Variants in CRTC2 observed in about 807,000 individuals in gnomAD.
CRTC2 encodes CREB-regulated transcription coactivator 2.
In CRTC2, 25 loss-of-function variants were observed where a neutral mutation model predicts 70.9. The ratio of observed to expected loss-of-function variants is 0.35; its 90% CI spans 0.26 to 0.49. The LOEUF (loss-of-function observed/expected upper bound fraction) is 0.49. Ranked by LOEUF, CRTC2 falls within the 20% of genes least tolerant of loss-of-function variation. The probability of loss-of-function intolerance (pLI) is 0.98; values close to 1 mark genes in which losing one functional copy is unlikely to be tolerated. For missense variants in CRTC2, 737 were observed against 882.6 expected (o/e 0.83, Z 2.09); for synonymous variants, 330 against 364.1 (o/e 0.91, Z 1.07).
Position 153,949,200 on chromosome 1 carries a change from T to C in CRTC2, c.1589A>G (p.His530Arg). The C allele has an allele frequency of 6.2e-7, 1 of 1,613,690 alleles. No homozygotes were observed. Among genetic ancestry groups the C allele is most frequent in the African/African-American group, 1.3e-5 (1 of 75,018 alleles). The change falls in exon 12 of 14, where the codon CAT (histidine) becomes CGT (arginine). Residue 530 changes from histidine (H) to arginine (R), a missense_variant. By Grantham distance (29) the His-to-Arg change is conservative. Transcript: ENST00000368633. The part of the protein sequence containing the change: ...SGGQPPGRQS[H>R]YGTPYPPGPS... ...CCCAGGTGGGTACGGTGTCCCATAA[T>C]GAGACTGCCTGCCTGGGGGCTGCCC... is the stretch of plus-strand genomic sequence containing the variant.
At position 153,948,034 on chromosome 1, in the gene CRTC2, A is replaced by T; in HGVS notation, c.*75T>A. ...TCTGGGGACAGAGAGTAGAGTCTCTACCTGCCAGGGGGAAGGGAGGAAAGG... is the reference window on the plus strand; with the variant it reads ...TCTGGGGACAGAGAGTAGAGTCTCTTCCTGCCAGGGGGAAGGGAGGAAAGG... On this transcript the variant is annotated 3_prime_UTR_variant, in exon 14 of 14. Coordinates refer to ENST00000368633, the MANE Select transcript of CRTC2 (RefSeq NM_181715.3). The T allele has an allele frequency of 7.2e-7, 1 of 1,385,402 alleles. No homozygotes were observed. Among genetic ancestry groups the T allele is most frequent in the Non-Finnish European group, 1.0e-6 (1 of 983,290 alleles). The allele number at this position is 1,385,402 out of a possible 1,614,324, so 85.8% of individuals were successfully genotyped here.
chr1:153,952,071 G>A lies in CRTC2; in HGVS notation c.944C>T (p.Thr315Ile), dbSNP rs369302090. Residue 315 changes from threonine (T) to isoleucine (I), a missense_variant, in exon 10 of 14, where the codon ACT becomes ATT. Physicochemically the swap from Thr to Ile is moderately conservative, Grantham distance 89. Transcript: ENST00000368633. ...CATGCCCCTGCTGATGCCCAGGTGAGTCATGGTGTGGGTCAAATTGGAGGT... is the reference window on the plus strand; with the variant it reads ...CATGCCCCTGCTGATGCCCAGGTGAATCATGGTGTGGGTCAAATTGGAGGT... ...NSTSNLTHTM[T>I]HLGISRGMGL... The A allele has an allele frequency of 5.0e-6, 8 of 1,614,020 alleles. No individual in the cohort carries two copies. Among genetic ancestry groups the A allele is most frequent in the Non-Finnish European group, 6.8e-6 (8 of 1,180,024 alleles).
At chr1:153,950,834 T>C (rs1028470985) in intron 11 of CRTC2, among the ~76,000 whole-genome samples, 2 of 152,034 alleles carry the variant, frequency 1.3e-5, no homozygotes, top group Non-Finnish European at 2.9e-5. Flanking sequence ...AAAAGACAGA[T>C]ATAAAACAGA....
intron 1 of CRTC2, among the ~76,000 whole-genome samples, chr1:153,955,786 C>A (rs1417261764): frequency 6.6e-6 from 1 of 151,430 alleles, no homozygotes; most frequent in African/African-American, 2.4e-5. Flanking sequence ...AATAACCCAC[C>A]AGAGCCCATC....
intron 3 of CRTC2, 145 bp downstream of exon 3, chr1:153,954,728 C>A: frequency 1.4e-6 from 1 of 706,902 alleles, no homozygotes. Flanking sequence ...GACGCAGGGG[C>A]TATGGTCGCT....
At chr1:153,948,912 T>C (rs1032269551) in intron 12 of CRTC2, 2 of 744,116 alleles carry the variant, frequency 2.7e-6, no homozygotes, top group African/African-American at 1.7e-5. Context: ...TGAGCAGAAA[T>C]AGAGGGGCAG....
rs529206985 is a variant in CRTC2 at position 153,954,279 on chromosome 1, G to C, written c.410C>G (p.Pro137Arg). The stretch of plus-strand genomic sequence containing the variant: ...CCTTCGCCAGCTAGACTCTGGGGGA[G>C]GAGATAAGTAGGCAGGACTATAGGG... The part of the protein sequence containing the change: ...SSPYSPAYLS[P>R]PPESSWRRTM... Residue 137 changes from proline to arginine, a missense_variant, in exon 4 of 14, where the codon CCT becomes CGT. Physicochemically the swap from Pro to Arg is moderately radical, Grantham distance 103. This residue lies in a region of CRTC2 where 699 missense variants were observed against 823.7 expected (regional missense o/e 0.85). Coordinates refer to ENST00000368633, the MANE Select transcript of CRTC2 (RefSeq NM_181715.3). 3.7e-6 allele frequency: 6 copies of C among 1,612,766 alleles called. No homozygotes were observed. In the East Asian group the frequency reaches 1.3e-4, roughly 36 times the overall value.
Position 153,958,486 on chromosome 1 carries a change from C to T in CRTC2, c.12G>A (p.Ser4=). The T allele has an allele frequency of 6.2e-7, 1 of 1,609,814 alleles. No homozygotes were observed. Among genetic ancestry groups the T allele is most frequent in the Non-Finnish European group, 8.5e-7 (1 of 1,177,240 alleles). MAT[S]GANGPGSATA... is the part of the protein sequence containing the mutation. ...TGGCCGAACCAGGCCCGTTCGCCCCCGACGTCGCCATCTTCCTTCCCCGTC... is the reference window on the plus strand; with the variant it reads ...TGGCCGAACCAGGCCCGTTCGCCCCTGACGTCGCCATCTTCCTTCCCCGTC... Residue 4 remains serine (S), a synonymous_variant, in exon 1 of 14, where the codon TCG becomes TCA. Transcript: ENST00000368633.
chr1:153,953,428 T>C, intron 5 of CRTC2, 59 bp from the exon 6 acceptor site: 1 of 1,526,778 alleles, frequency 6.5e-7, no homozygotes, highest in Non-Finnish European at 9.0e-7. Context: ...CCCTAAGCCC[T>C]GCCCAGCAAG....
At chr1:153,951,167 G>A in intron 11 of CRTC2, 93 bp downstream of exon 11, 1 of 1,288,336 alleles carries the variant, frequency 7.8e-7, no homozygotes, top group Non-Finnish European at 1.1e-6. Context: ...TGAGTATAGA[G>A]TAGGTATTTC....
In CRTC2 at chr1:153,948,247, C is replaced by T. The variant is rs200008976; in HGVS notation, c.1944G>A (p.Leu648=). The part of the protein sequence containing the change: ...VPGFEVSAAG[L]ELGLGLEDEL... Reference sequence around the variant, plus strand: ...CATCTTCTAGCCCAAGCCCTAGCTCCAATCCAGCTGCTGACACCTCAAAGC... The same window carrying T: ...CATCTTCTAGCCCAAGCCCTAGCTCTAATCCAGCTGCTGACACCTCAAAGC... The change falls in exon 14 of 14, where the codon TTG becomes TTA. Residue 648 remains leucine (L), a synonymous_variant. Transcript: ENST00000368633. The T allele has an allele frequency of 4.3e-6, 7 of 1,614,134 alleles. No homozygotes were observed. Among genetic ancestry groups the T allele is most frequent in the Admixed American group, 1.7e-5 (1 of 60,012 alleles).
In CRTC2 at chr1:153,948,296, G is replaced by GC; in HGVS notation, c.1894dup (p.Ala632GlyfsTer11). 6.2e-7 allele frequency: 1 copy of GC among 1,614,256 alleles called. No individual in the cohort carries two copies. Among genetic ancestry groups the GC allele is most frequent in the East Asian group, 2.2e-5 (1 of 44,892 alleles). ...GCCAGGCACTCCGGCCAGGGCTGCT[G>GC]CAATCTCCTTAGAGAAACCTGGAGA... On this transcript the variant is annotated frameshift_variant, in exon 14 of 14. Transcript: ENST00000368633. LOFTEE classifies it high-confidence loss of function.
In CRTC2 at chr1:153,954,958, C is replaced by T. The variant is rs1481777214; in HGVS notation, c.287G>A (p.Arg96Gln). The T allele has an allele frequency of 3.7e-6, 6 of 1,613,906 alleles. No individual in the cohort carries two copies. Among genetic ancestry groups the T allele is most frequent in the African/African-American group, 1.3e-5 (1 of 74,876 alleles). Residue 96 changes from arginine (R) to glutamine (Q), a missense_variant, in exon 3 of 14, where the codon CGG becomes CAG. Physicochemically the swap from Arg to Gln is conservative, Grantham distance 43. Coordinates refer to ENST00000368633, the MANE Select transcript of CRTC2 (RefSeq NM_181715.3). ...SPLHSPLDSS[R>Q]STRHHGLVER... ...CACCAGCCCATGGTGCCGAGTGCTCCGAGATGAATCCAAAGGTGAGTGGAG... is the reference window on the plus strand; with the variant it reads ...CACCAGCCCATGGTGCCGAGTGCTCTGAGATGAATCCAAAGGTGAGTGGAG...
In CRTC2 at chr1:153,951,388, G is replaced by C. The variant is rs752259202; in HGVS notation, c.1276C>G (p.His426Asp). The C allele has an allele frequency of 5.6e-6, 9 of 1,609,618 alleles. No homozygotes were observed. Among genetic ancestry groups the C allele is most frequent in the Middle Eastern group, 1.6e-4 (1 of 6,070 alleles). The change falls in exon 11 of 14, where the codon CAC becomes GAC. Residue 426 changes from histidine to aspartate, a missense_variant. Transcript: ENST00000368633. ...YPASTPGASPHHRRVPLSPLS... is the reference protein window; with the variant it reads ...YPASTPGASPDHRRVPLSPLS... Reference sequence around the variant, plus strand: ...GGGCTGAGGGGCACACGGCGGTGGTGGGGGGAGGCCCCAGGGGTAGAAGCA... The same window carrying C: ...GGGCTGAGGGGCACACGGCGGTGGTCGGGGGAGGCCCCAGGGGTAGAAGCA...
At position 153,948,789 on chromosome 1, in the gene CRTC2, C is replaced by G. The variant is rs937627839; in HGVS notation, c.1675-145G>C. ...CAGAGGGAGGTGGCAGCAAGCAGAG[C>G]GACAGAAGCGAGCACGGGGCCCGAA... On this transcript the variant is annotated intron_variant, in intron 12 of 13. Transcript: ENST00000368633. The G allele has an allele frequency of 3.2e-6, 3 of 940,644 alleles. No homozygotes were observed. In the East Asian group the frequency reaches 7.7e-5, roughly 24 times the overall value. 58.3% of individuals were successfully genotyped at this position (940,644 alleles called of 1,614,324 possible).
intron 11 of CRTC2, among the ~76,000 whole-genome samples, chr1:153,950,191 G>A (rs1318816264): frequency 6.6e-6 from 1 of 152,234 alleles, no homozygotes; most frequent in Non-Finnish European, 1.5e-5. Flanking sequence ...GGGATTACAG[G>A]CATAAGCCAC....
chr1:153,957,113 A>T (rs975473193), intron 1 of CRTC2, among the ~76,000 whole-genome samples: 1 of 152,092 alleles, frequency 6.6e-6, no homozygotes, highest in Non-Finnish European at 1.5e-5. Context: ...AAGTGTGCAC[A>T]TGCGTGCACA....
Position 153,948,173 on chromosome 1 carries a change from T to C in CRTC2, c.2018A>G (p.Asp673Gly). 6.2e-7 allele frequency: 1 copy of C among 1,614,076 alleles called. No individual in the cohort carries two copies. Among genetic ancestry groups the C allele is most frequent in the African/African-American group, 1.3e-5 (1 of 74,998 alleles). ...AGGATCAGGCAGCAGGGCACAGGGGTCACTCAGCATGTTTAGCCCTTCCAG... is the reference window on the plus strand; with the variant it reads ...AGGATCAGGCAGCAGGGCACAGGGGCCACTCAGCATGTTTAGCCCTTCCAG... ...LGLEGLNMLS[D>G]PCALLPDPAV... The change falls in exon 14 of 14, where the codon GAC becomes GGC. Residue 673 changes from aspartate to glycine, a missense_variant. By Grantham distance (94) the Asp-to-Gly change is moderately conservative. This residue lies in a region of CRTC2 where 699 missense variants were observed against 823.7 expected (regional missense o/e 0.85). Coordinates refer to ENST00000368633, the MANE Select transcript of CRTC2 (RefSeq NM_181715.3).
chr1:153,951,873 G>A (rs531874608), intron 10 of CRTC2, 145 bp downstream of exon 10: 4 of 1,220,930 alleles, frequency 3.3e-6, no homozygotes, highest in Middle Eastern at 2.9e-4. Context: ...CACTGGCTGA[G>A]AACTGCCGTG....
Sources: gnomAD v4.1 joint callset for allele counts (sites outside exome capture counted in the v4.1 genomes callset) on GRCh38, gnomAD v4.1.1 for gene constraint, gnomAD v4.1.1 regional missense constraint, MANE v1.5 for transcripts, NCBI Gene and HGNC (gene_info 2026-07-23, HGNC 2026-07-21) for gene names.